MYO3A: variants seen among roughly 807,000 people sequenced by gnomAD.
MYO3A encodes myosin-IIIa.
Under a neutral mutation model 192.7 loss-of-function variants are expected in MYO3A, and 180 were observed. The observed-to-expected ratio is 0.93, with a 90% CI of 0.83 to 1.06. The LOEUF is 1.06. Ranked by LOEUF, MYO3A falls within the 50% of genes least tolerant of loss-of-function variation. The probability of loss-of-function intolerance (pLI) is 0.00; values close to 1 mark genes in which losing one functional copy is unlikely to be tolerated. For missense variants in MYO3A, 1,896 were observed against 1,905.0 expected (o/e 1.00, Z 0.09); for synonymous variants, 628 against 645.3 (o/e 0.97, Z 0.41).
intron 17 of MYO3A, among the ~76,000 whole-genome samples, chr10:26,097,100 G>C (rs563395158): frequency 7.9e-5 from 12 of 151,962 alleles, no homozygotes; most frequent in African/African-American, 2.9e-4. Flanking sequence ...TATTCATAGA[G>C]ATGTGTATTC....
At chr10:26,142,924 A>G (rs1314294960) in intron 20 of MYO3A, among the ~76,000 whole-genome samples, 1 of 152,224 alleles carries the variant, frequency 6.6e-6, no homozygotes, top group East Asian at 1.9e-4. Context: ...GATGTCCATA[A>G]TTCTAGTATG....
At position 26,174,019 on chromosome 10, in the gene MYO3A, A is replaced by T; in HGVS notation, c.3755A>T (p.Glu1252Val). 6.2e-7 allele frequency: 1 copy of T among 1,611,706 alleles called. No homozygotes were observed. Among genetic ancestry groups the T allele is most frequent in the Non-Finnish European group, 8.5e-7 (1 of 1,179,434 alleles). Residue 1252 changes from glutamate to valine, a missense_variant, in exon 30 of 35, where the codon GAG (glutamate) becomes GTG (valine). Transcript: ENST00000642920. ...QRYTEERNCE[E>V]SKAAYLERKA... ...TACACAGAGGAGAGGAATTGTGAAGAGTCAAAAGCAGCATATCTAGAAAGG... is the reference window on the plus strand; with the variant it reads ...TACACAGAGGAGAGGAATTGTGAAGTGTCAAAAGCAGCATATCTAGAAAGG...
chr10:25,983,405 G>A (rs563175440), intron 4 of MYO3A, among the ~76,000 whole-genome samples: 89 of 151,892 alleles, frequency 5.9e-4, no homozygotes, highest in South Asian at 3.1e-3. Flanking sequence ...ACAGGCGCCC[G>A]CCACCACGCC....
chr10:26,125,341 T>G lies in MYO3A; in HGVS notation c.1904-57T>G, dbSNP rs1839151769. The G allele has an allele frequency of 6.7e-6, 10 of 1,500,072 alleles. No homozygotes were observed. The African/African-American group carries it at 8.3e-5, about 12-fold the overall frequency. 92.9% of individuals were successfully genotyped at this position (1,500,072 alleles called of 1,614,324 possible). On this transcript the variant is annotated intron_variant, in intron 18 of 34. Transcript: ENST00000642920. ...AGGCAGATTAAGACATTTTCATTTT[T>G]GGGGAGTGACCTCATTGCCATAATT...
At chr10:26,038,225 C>T (rs961988460) in intron 10 of MYO3A, among the ~76,000 whole-genome samples, 2 of 152,098 alleles carry the variant, frequency 1.3e-5, no homozygotes, top group Non-Finnish European at 2.9e-5. Flanking sequence ...AGTGTTTTTA[C>T]TATTTCTGTG....
chr10:26,198,416 C>CA (rs1380029492), intron 32 of MYO3A, among the ~76,000 whole-genome samples: 2 of 152,042 alleles, frequency 1.3e-5, no homozygotes, highest in Admixed American at 6.5e-5. Context: ...CAAGTTTCCT[C>CA]AAAAAAACGA....
chr10:26,132,333 G>A (rs190718820), intron 20 of MYO3A, among the ~76,000 whole-genome samples: 30 of 152,276 alleles, frequency 2.0e-4, no homozygotes, highest in African/African-American at 7.2e-4. Context: ...CTGCTGTAGT[G>A]GTGGTTTTTG....
intron 6 of MYO3A, among the ~76,000 whole-genome samples, chr10:26,009,172 A>T (rs543200716): frequency 1.3e-5 from 2 of 151,386 alleles, no homozygotes; most frequent in East Asian, 3.9e-4. Context: ...GTGGGAATTG[A>T]ACAGTGAGAA....
chr10:26,106,602 G>C (rs1362784121), intron 17 of MYO3A, among the ~76,000 whole-genome samples: 1 of 151,926 alleles, frequency 6.6e-6, no homozygotes, highest in Non-Finnish European at 1.5e-5. Context: ...AGTGGTTTTA[G>C]TGTTTTGCTA....
chr10:26,009,950 G>A (rs1231653669), intron 6 of MYO3A, among the ~76,000 whole-genome samples: 1 of 152,188 alleles, frequency 6.6e-6, no homozygotes, highest in Non-Finnish European at 1.5e-5. Context: ...AGTGATGATA[G>A]TGTACCATGA....
At chr10:25,989,912 T>C (rs1426021353) in intron 4 of MYO3A, among the ~76,000 whole-genome samples, 1 of 152,106 alleles carries the variant, frequency 6.6e-6, no homozygotes, top group Non-Finnish European at 1.5e-5. Flanking sequence ...CCGTGGGATG[T>C]GTGACAAGGC....
intron 14 of MYO3A, among the ~76,000 whole-genome samples, chr10:26,082,776 CT>C (rs1463666708): frequency 6.9e-6 from 1 of 145,266 alleles, no homozygotes; most frequent in Non-Finnish European, 1.5e-5. Flanking sequence ...CTCTCTCTCT[CT>C]CAGAATACCT....
At chr10:26,123,002 G>A (rs1391804448) in intron 18 of MYO3A, among the ~76,000 whole-genome samples, 1 of 152,170 alleles carries the variant, frequency 6.6e-6, no homozygotes, top group Non-Finnish European at 1.5e-5. Context: ...TAGGGAATCG[G>A]TATTGTAGGG....
At chr10:26,191,802 C>T (rs1843144742) in intron 31 of MYO3A, among the ~76,000 whole-genome samples, 1 of 152,186 alleles carries the variant, frequency 6.6e-6, no homozygotes, top group East Asian at 1.9e-4. Context: ...CAGTTGTTTA[C>T]ATATAATAAA....
At chr10:26,196,662 A>G (rs1474422442) in intron 32 of MYO3A, among the ~76,000 whole-genome samples, 1 of 152,226 alleles carries the variant, frequency 6.6e-6, no homozygotes, top group Non-Finnish European at 1.5e-5. Context: ...TTTAACCACC[A>G]AACACTTTCT....
chr10:26,153,435 A>AT (rs1840916492), intron 23 of MYO3A, among the ~76,000 whole-genome samples: 1 of 152,182 alleles, frequency 6.6e-6, no homozygotes, highest in Non-Finnish European at 1.5e-5. Context: ...ACCATAGTTG[A>AT]TTTGCTTATA....
chr10:26,100,053 G>A (rs1195885905), intron 17 of MYO3A, among the ~76,000 whole-genome samples: 2 of 152,076 alleles, frequency 1.3e-5, no homozygotes, highest in African/African-American at 4.8e-5. Flanking sequence ...GACTTTTTTT[G>A]ATTCGTAGGC....
intron 4 of MYO3A, among the ~76,000 whole-genome samples, chr10:25,985,230 T>G (rs1839575681): frequency 7.8e-6 from 1 of 127,662 alleles, no homozygotes; most frequent in Admixed American, 8.1e-5. Context: ...AAAGCAAGAC[T>G]CTGTCTCAAA....
chr10:25,992,718 G>A (rs1326603306), intron 4 of MYO3A, among the ~76,000 whole-genome samples: 1 of 152,138 alleles, frequency 6.6e-6, no homozygotes, highest in Non-Finnish European at 1.5e-5. Flanking sequence ...TTAGCATGAA[G>A]GGCTGTTGAA....
Sources: gnomAD v4.1 joint callset for allele counts (sites outside exome capture counted in the v4.1 genomes callset) on GRCh38, gnomAD v4.1.1 for gene constraint, MANE v1.5 for transcripts, NCBI Gene and HGNC (gene_info 2026-07-23, HGNC 2026-07-21) for gene names.